Variants in CSMD3 observed in about 807,000 individuals in gnomAD.
The protein encoded by CSMD3 is CUB and sushi domain-containing protein 3.
CSMD3 carries 177 observed loss-of-function variants against 435.2 expected under a neutral mutation model. The ratio of observed to expected loss-of-function variants is 0.41; its 90% CI spans 0.36 to 0.46. The LOEUF (loss-of-function observed/expected upper bound fraction) is 0.46, where lower values mean the gene tolerates loss of function less well. CSMD3 is among the 20% of genes least tolerant of loss of function. The pLI, the probability that CSMD3 is intolerant of heterozygous loss-of-function variation, is 0.34. For missense variants in CSMD3, 4,265 were observed against 4,504.6 expected (o/e 0.95, Z 1.52); for synonymous variants, 1,656 against 1,520.5 (o/e 1.09, Z -2.07).
chr8:112,863,340 T>C (rs1236257592), intron 10 of CSMD3, among the ~76,000 whole-genome samples: 1 of 151,830 alleles, frequency 6.6e-6, no homozygotes, highest in Non-Finnish European at 1.5e-5. Context: ...AAACTTCTTC[T>C]ACAAATTGGT....
At chr8:113,358,787 G>A (rs548262533) in intron 1 of CSMD3, among the ~76,000 whole-genome samples, 9 of 151,874 alleles carry the variant, frequency 5.9e-5, no homozygotes, top group South Asian at 2.1e-4. Context: ...TGGGATGGTC[G>A]TGGATGGGGC....
chr8:112,339,393 C>A (rs1169394026), intron 42 of CSMD3, among the ~76,000 whole-genome samples: 1 of 151,954 alleles, frequency 6.6e-6, no homozygotes, highest in Non-Finnish European at 1.5e-5. Context: ...ATGAAGTGGC[C>A]AATGGGAAAC....
chr8:112,950,146 GAA>G (rs945046697), intron 8 of CSMD3, among the ~76,000 whole-genome samples: 7 of 151,658 alleles, frequency 4.6e-5, no homozygotes, highest in Non-Finnish European at 1.0e-4. Context: ...TAAAAATAGA[GAA>G]AAAACATTAT....
At chr8:113,314,459 T>C (rs2093894338) in intron 2 of CSMD3, 112 bp downstream of exon 2, 1 of 709,130 alleles carries the variant, frequency 1.4e-6, no homozygotes, top group African/African-American at 1.8e-5. Context: ...AATTAGATGG[T>C]GAATACAACT....
chr8:113,227,044 T>C (rs1588316394), intron 3 of CSMD3, among the ~76,000 whole-genome samples: 1 of 151,714 alleles, frequency 6.6e-6, no homozygotes, highest in Non-Finnish European at 1.5e-5. Flanking sequence ...ATAGTACAGA[T>C]TGGGTTTTAA....
At chr8:113,190,896 T>C (rs540226894) in intron 3 of CSMD3, among the ~76,000 whole-genome samples, 25 of 151,916 alleles carry the variant, frequency 1.6e-4, no homozygotes, top group African/African-American at 6.0e-4. Context: ...TCATATTGAG[T>C]GTAACCACAA....
chr8:113,191,939 C>G (rs1020416111), intron 3 of CSMD3, among the ~76,000 whole-genome samples: 1 of 151,820 alleles, frequency 6.6e-6, no homozygotes, highest in African/African-American at 2.4e-5. Flanking sequence ...TAATAATTGT[C>G]ATTCTGACTG....
chr8:112,718,712 C>T (rs1344166157), intron 13 of CSMD3, among the ~76,000 whole-genome samples: 2 of 151,888 alleles, frequency 1.3e-5, no homozygotes, highest in African/African-American at 2.4e-5. Context: ...TACAGTACCC[C>T]TTATTTTTAG....
At chr8:112,648,953 T>C (rs1335982885) in intron 19 of CSMD3, among the ~76,000 whole-genome samples, 2 of 152,144 alleles carry the variant, frequency 1.3e-5, no homozygotes, top group Admixed American at 1.3e-4. Flanking sequence ...ATGAATTGAA[T>C]ACCTTCCCTG....
At chr8:112,575,903 C>T (rs955225186) in intron 23 of CSMD3, among the ~76,000 whole-genome samples, 8 of 152,040 alleles carry the variant, frequency 5.3e-5, no homozygotes, top group Non-Finnish European at 1.2e-4. Flanking sequence ...TTTAGAGCTA[C>T]ACATTCACAA....
chr8:112,366,152 T>C lies in CSMD3; in HGVS notation c.6137-13618A>G, dbSNP rs557640752. ...TTCAGTCAAAGCAAAAACAGACTGG[T>C]CAAGAGCAAAGGTCATGGCAACAGT... On this transcript the variant is annotated intron_variant, in intron 38 of 70. Coordinates refer to ENST00000297405, the MANE Select transcript of CSMD3 (RefSeq NM_198123.2). Among the ~76,000 whole-genome samples the C allele has an allele frequency of 8.2e-4, 125 of 152,096 alleles. 6 individuals carry two copies. The highest frequency in any genetic ancestry group is 2.8e-4 in the Non-Finnish European group (19 of 68,008).
At chr8:112,959,731 T>C (rs1039599731) in intron 7 of CSMD3, among the ~76,000 whole-genome samples, 1 of 151,910 alleles carries the variant, frequency 6.6e-6, no homozygotes, top group African/African-American at 2.4e-5. Flanking sequence ...ATGTTTTGGA[T>C]ATTGAAAATA....
At chr8:113,425,499 T>C (rs1174415669) in intron 1 of CSMD3, among the ~76,000 whole-genome samples, 1 of 151,278 alleles carries the variant, frequency 6.6e-6, no homozygotes, top group African/African-American at 2.4e-5. Context: ...TATTGAAAAA[T>C]GGCTAATTTC....
chr8:112,969,203 T>G (rs2084545885), intron 7 of CSMD3, among the ~76,000 whole-genome samples: 1 of 152,006 alleles, frequency 6.6e-6, no homozygotes, highest in Non-Finnish European at 1.5e-5. Flanking sequence ...TGTTTGCTGT[T>G]TTCTTATTTT....
At position 113,336,838 on chromosome 8, in the gene CSMD3, T is replaced by C. The variant is rs192890581; in HGVS notation, c.179-22045A>G. 6.6e-4 allele frequency among the ~76,000 whole-genome samples: 101 copies of C among 152,236 alleles called. 1 individual carries two copies. Among genetic ancestry groups the C allele is most frequent in the African/African-American group, 2.4e-3 (98 of 41,572 alleles). ...ACTGCAGTACAGGGGGTCTCATTAC[T>C]GGCCAGCAGAGATGAGTATTCTAGC... On this transcript the variant is annotated intron_variant, in intron 1 of 70. Coordinates refer to ENST00000297405, the MANE Select transcript of CSMD3 (RefSeq NM_198123.2).
chr8:113,122,867 C>T (rs1221890433), intron 4 of CSMD3, among the ~76,000 whole-genome samples: 1 of 151,520 alleles, frequency 6.6e-6, no homozygotes. Flanking sequence ...TTAATACAAA[C>T]ATTTGTAACA....
intron 5 of CSMD3, among the ~76,000 whole-genome samples, chr8:113,020,076 T>G (rs2086630508): frequency 1.4e-5 from 2 of 140,612 alleles, no homozygotes; most frequent in South Asian, 2.2e-4. Context: ...GGCAGGAGAA[T>G]GGCGTGAACC....
rs760210067 is a variant in CSMD3 at position 112,234,489 on chromosome 8, A to C, written c.10628-12T>G. ...GCTTTTATATACCCCTGTAAAATGC[A>C]AGGACATTTTAGTCTACTTAACTTT... On this transcript the variant is annotated splice_polypyrimidine_tract_variant and intron_variant, in intron 67 of 70. Coordinates refer to ENST00000297405, the MANE Select transcript of CSMD3 (RefSeq NM_198123.2). The C allele has an allele frequency of 3.4e-6, 5 of 1,452,386 alleles. No individual in the cohort carries two copies. In the South Asian group the frequency reaches 4.6e-5, roughly 13 times the overall value. The allele number at this position is 1,452,386 out of a possible 1,614,324, so 90.0% of individuals were successfully genotyped here.
intron 32 of CSMD3, among the ~76,000 whole-genome samples, chr8:112,413,228 G>A (rs1811542274): frequency 1.3e-5 from 2 of 152,058 alleles, no homozygotes; most frequent in Admixed American, 6.6e-5. Context: ...ATGAGACAAG[G>A]CAGTGTATCT....
Sources: allele counts gnomAD v4.1 joint callset (sites outside exome capture counted in the v4.1 genomes callset), GRCh38; gene constraint gnomAD v4.1.1; transcripts MANE v1.5; gene names NCBI Gene and HGNC (gene_info 2026-07-23, HGNC 2026-07-21).